The following CTNND2 variants were observed in gnomAD, a reference collection of about 807,000 sequenced individuals.
CTNND2 encodes catenin delta-2.
In CTNND2, 22 loss-of-function variants were observed where a neutral mutation model predicts 144.4. The observed-to-expected ratio is 0.15, with a 90% CI of 0.11 to 0.22. The LOEUF (loss-of-function observed/expected upper bound fraction) is 0.22. CTNND2 is among the 10% of genes least tolerant of loss of function. The pLI is 1.00. For missense variants in CTNND2, 1,353 were observed against 1,618.8 expected, an observed-to-expected ratio of 0.84 and a Z score of 2.82; for synonymous variants, 751 against 695.6, an observed-to-expected ratio of 1.08 and a Z score of -1.25.
intron 16 of CTNND2, among the ~76,000 whole-genome samples, chr5:11,035,405 TCA>T (rs1009726915): frequency 6.6e-6 from 1 of 152,216 alleles, no homozygotes; most frequent in African/African-American, 2.4e-5. Context: ...CTTTCTTGTG[TCA>T]CATCGCTCTG....
intron 16 of CTNND2, among the ~76,000 whole-genome samples, chr5:11,026,506 T>C (rs1742853514): frequency 6.6e-6 from 1 of 151,846 alleles, no homozygotes; most frequent in Non-Finnish European, 1.5e-5. Context: ...TACAGGCACA[T>C]GCCACCACAC....
At chr5:11,296,514 C>CTA (rs1749028391) in intron 9 of CTNND2, among the ~76,000 whole-genome samples, 1 of 152,174 alleles carries the variant, frequency 6.6e-6, no homozygotes. Context: ...AAACATGCTG[C>CTA]TATAAAGACA....
intron 2 of CTNND2, among the ~76,000 whole-genome samples, chr5:11,696,113 G>A (rs1048207474): frequency 7.2e-5 from 11 of 152,204 alleles, no homozygotes; most frequent in African/African-American, 2.4e-4. Flanking sequence ...GGGCCAGATA[G>A]TACATATATT....
chr5:11,364,769 A>T lies in CTNND2; in HGVS notation c.1299T>A (p.Pro433=), dbSNP rs747554769. Residue 433 remains proline (P), a synonymous_variant, in exon 8 of 22, where the codon CCT becomes CCA. Coordinates refer to ENST00000304623, the MANE Select transcript of CTNND2 (RefSeq NM_001332.4). ...CCTGGCTCTGGCTGAGACTCCTCATAGGGGGCTTCTGATAGACGCGGTCTT... is the reference window on the plus strand; with the variant it reads ...CCTGGCTCTGGCTGAGACTCCTCATTGGGGGCTTCTGATAGACGCGGTCTT... ...IYEDRVYQKP[P]MRSLSQSQGD... The T allele has an allele frequency of 1.9e-6, 3 of 1,613,854 alleles. No individual in the cohort carries two copies. Among genetic ancestry groups the T allele is most frequent in the Non-Finnish European group, 1.7e-6 (2 of 1,179,912 alleles).
chr5:11,471,559 A>G (rs976346657), intron 3 of CTNND2, among the ~76,000 whole-genome samples: 1 of 152,254 alleles, frequency 6.6e-6, no homozygotes, highest in Non-Finnish European at 1.5e-5. Flanking sequence ...AAAGGTATTT[A>G]CCAACAGTAA....
rs546434441 is a variant in CTNND2, at chr5:11,289,526, T to C, written c.1629-52703A>G. Among the ~76,000 whole-genome samples the C allele has an allele frequency of 1.4e-4, 22 of 152,310 alleles. No homozygotes were observed. The South Asian group carries it at 4.6e-3, about 32-fold the overall frequency. On this transcript the variant is annotated intron_variant, in intron 9 of 21. Transcript: ENST00000304623. ...CTCGCCTTCAAAATAGTCCTCTGCA[T>C]CATGAGTACAGATGCACTCTCCTGC...
chr5:11,559,183 AAGAC>A (rs1258301905), intron 3 of CTNND2, among the ~76,000 whole-genome samples: 3 of 152,114 alleles, frequency 2.0e-5, no homozygotes, highest in Non-Finnish European at 4.4e-5. Flanking sequence ...GGGATTGTGG[AAGAC>A]AGACAGATAG....
At chr5:11,699,419 G>A (rs1416592585) in intron 2 of CTNND2, among the ~76,000 whole-genome samples, 1 of 152,122 alleles carries the variant, frequency 6.6e-6, no homozygotes, top group Non-Finnish European at 1.5e-5. Flanking sequence ...AAGGATTGTG[G>A]GTGAGAGGGA....
At chr5:11,097,668 GGTGA>G (rs1380029841) in intron 15 of CTNND2, among the ~76,000 whole-genome samples, 1 of 152,158 alleles carries the variant, frequency 6.6e-6, no homozygotes, top group African/African-American at 2.4e-5. Flanking sequence ...GCCAGGGTGT[GGTGA>G]GTGTGTGACA....
intron 3 of CTNND2, among the ~76,000 whole-genome samples, chr5:11,416,855 G>A (rs1581148975): frequency 6.6e-6 from 1 of 152,172 alleles, no homozygotes; most frequent in Non-Finnish European, 1.5e-5. Context: ...AGAAATAAAT[G>A]TAAAAAAGAC....
intron 9 of CTNND2, among the ~76,000 whole-genome samples, chr5:11,318,234 ACCCAAAGTCCCCTGCTATCAT>A (rs1233993522): frequency 6.6e-6 from 1 of 152,084 alleles, no homozygotes; most frequent in Non-Finnish European, 1.5e-5. Flanking sequence ...ACCAGGCTAG[ACCCAAAGTCCCCTGCTATCAT>A]CCCTTCTTCC....
At chr5:11,270,352 AAT>A (rs1346430168) in intron 9 of CTNND2, among the ~76,000 whole-genome samples, 1 of 152,166 alleles carries the variant, frequency 6.6e-6, no homozygotes, top group African/African-American at 2.4e-5. Flanking sequence ...ATATGTAATT[AAT>A]ATACATTGGC....
At chr5:11,387,917 T>G (rs1213498182) in intron 6 of CTNND2, among the ~76,000 whole-genome samples, 1 of 152,180 alleles carries the variant, frequency 6.6e-6, no homozygotes, top group African/African-American at 2.4e-5. Flanking sequence ...AATACTTTAT[T>G]TTTCTTGTAA....
intron 2 of CTNND2, among the ~76,000 whole-genome samples, chr5:11,606,072 T>C (rs1480237854): frequency 1.3e-5 from 2 of 151,390 alleles, no homozygotes; most frequent in Admixed American, 6.6e-5. Flanking sequence ...GAATAGGAGG[T>C]AAGAGAGATG....
intron 2 of CTNND2, among the ~76,000 whole-genome samples, chr5:11,610,489 G>A (rs1015508835): frequency 3.3e-5 from 5 of 152,164 alleles, no homozygotes; most frequent in Non-Finnish European, 7.3e-5. Context: ...TGACTGGCAT[G>A]GATCTATAAA....
At chr5:10,999,824 C>T (rs1181849725) in intron 18 of CTNND2, among the ~76,000 whole-genome samples, 1 of 152,242 alleles carries the variant, frequency 6.6e-6, no homozygotes, top group Non-Finnish European at 1.5e-5. Context: ...CACCCTTTAG[C>T]TGTCCCTCCA....
chr5:11,117,821 C>T (rs1224563202), intron 12 of CTNND2, among the ~76,000 whole-genome samples: 7 of 152,190 alleles, frequency 4.6e-5, no homozygotes, highest in Non-Finnish European at 8.8e-5. Flanking sequence ...ATCTGTGAGT[C>T]CCATGACCGT....
At chr5:11,169,617 A>T (rs1759698744) in intron 11 of CTNND2, among the ~76,000 whole-genome samples, 1 of 152,214 alleles carries the variant, frequency 6.6e-6, no homozygotes, top group Non-Finnish European at 1.5e-5. Context: ...CTGGGTCTCG[A>T]GTGAGCATGC....
chr5:11,595,144 A>G (rs1158051054), intron 2 of CTNND2, among the ~76,000 whole-genome samples: 2 of 152,230 alleles, frequency 1.3e-5, no homozygotes, highest in East Asian at 1.9e-4. Context: ...TCTGTAATCC[A>G]GCAGTTATCG....
Sources: gnomAD v4.1 joint callset for allele counts (sites outside exome capture counted in the v4.1 genomes callset) on GRCh38, gnomAD v4.1.1 for gene constraint, MANE v1.5 for transcripts, NCBI Gene and HGNC (gene_info 2026-07-23, HGNC 2026-07-21) for gene names.